Variants in ADGRB3 observed in about 807,000 individuals in gnomAD.
ADGRB3 encodes adhesion G protein-coupled receptor B3.
ADGRB3 carries 37 observed loss-of-function variants against 193.4 expected under a neutral mutation model. The observed-to-expected ratio is 0.19, with a 90% CI of 0.15 to 0.25. ADGRB3 has a LOEUF of 0.25. Ranked by LOEUF, ADGRB3 falls within the 10% of genes least tolerant of loss-of-function variation. The probability of loss-of-function intolerance (pLI) is 1.00; values close to 1 mark genes in which losing one functional copy is unlikely to be tolerated. For missense variants in ADGRB3, 1,637 were observed against 1,852.9 expected (o/e 0.88, Z 2.14); for synonymous variants, 690 against 644.2 (o/e 1.07, Z -1.08).
chr6:69,008,683 G>A (rs1194426700), intron 11 of ADGRB3, among the ~76,000 whole-genome samples: 2 of 152,096 alleles, frequency 1.3e-5, no homozygotes, highest in Non-Finnish European at 2.9e-5. Context: ...TTTGAAGTTC[G>A]TGGGTTTATG....
At chr6:69,117,278 A>G (rs550324226) in intron 17 of ADGRB3, among the ~76,000 whole-genome samples, 93 of 152,296 alleles carry the variant, frequency 6.1e-4, no homozygotes, top group Non-Finnish European at 1.1e-3. Flanking sequence ...TTGTCAATAG[A>G]AGTTCTACAA....
chr6:68,869,772 G>C (rs912236681), intron 3 of ADGRB3, among the ~76,000 whole-genome samples: 3 of 133,046 alleles, frequency 2.3e-5, no homozygotes, highest in Non-Finnish European at 4.8e-5. Context: ...TTGCAGGGGA[G>C]GGGGGCGGGT....
At chr6:69,333,486 A>T (rs905493041) in intron 24 of ADGRB3, among the ~76,000 whole-genome samples, 1 of 152,082 alleles carries the variant, frequency 6.6e-6, no homozygotes, top group Admixed American at 6.5e-5. Flanking sequence ...ATTACTTATC[A>T]AGCACTATTT....
At chr6:68,644,225 C>T (rs765955379) in intron 3 of ADGRB3, among the ~76,000 whole-genome samples, 12 of 151,842 alleles carry the variant, frequency 7.9e-5, no homozygotes, top group Non-Finnish European at 1.3e-4. Context: ...GGGAAGATTG[C>T]TATTATTTTT....
At chr6:69,054,062 T>C (rs1445271197) in intron 15 of ADGRB3, among the ~76,000 whole-genome samples, 2 of 152,196 alleles carry the variant, frequency 1.3e-5, no homozygotes, top group East Asian at 1.9e-4. Context: ...ATGCATCTTA[T>C]GTAATGATTA....
At chr6:68,976,481 C>T (rs930349333) in intron 10 of ADGRB3, among the ~76,000 whole-genome samples, 1 of 151,932 alleles carries the variant, frequency 6.6e-6, no homozygotes. Flanking sequence ...CCAGGGCAGT[C>T]GAAAATCCAT....
At chr6:68,862,291 A>T (rs1381141900) in intron 3 of ADGRB3, among the ~76,000 whole-genome samples, 2 of 152,214 alleles carry the variant, frequency 1.3e-5, no homozygotes, top group Non-Finnish European at 2.9e-5. Context: ...AATTTTTGTT[A>T]TTGTTTCTTC....
chr6:68,727,952 T>G (rs1453950180), intron 3 of ADGRB3, among the ~76,000 whole-genome samples: 1 of 151,598 alleles, frequency 6.6e-6, no homozygotes, highest in Admixed American at 6.6e-5. Context: ...TAATAGTTTC[T>G]GAAAATAAAA....
intron 6 of ADGRB3, among the ~76,000 whole-genome samples, chr6:68,948,917 C>T (rs374186192): frequency 9.2e-5 from 14 of 152,026 alleles, no homozygotes; most frequent in African/African-American, 2.9e-4. Context: ...GATTAAAGTT[C>T]AGTCACAATC....
At chr6:68,829,028 A>G (rs774365637) in intron 3 of ADGRB3, among the ~76,000 whole-genome samples, 7 of 151,578 alleles carry the variant, frequency 4.6e-5, no homozygotes, top group Non-Finnish European at 1.5e-5. Flanking sequence ...CTAATGATTC[A>G]AGTATCCCAT....
intron 3 of ADGRB3, among the ~76,000 whole-genome samples, chr6:68,666,494 C>G (rs1348026605): frequency 6.6e-6 from 1 of 151,684 alleles, no homozygotes; most frequent in Non-Finnish European, 1.5e-5. Context: ...TGTCCTAGTC[C>G]CCTCAGAAGA....
intron 17 of ADGRB3, among the ~76,000 whole-genome samples, chr6:69,113,503 A>G (rs1773435740): frequency 6.6e-6 from 1 of 152,172 alleles, no homozygotes; most frequent in East Asian, 1.9e-4. Context: ...TAGTAACCAC[A>G]GTAGACGGTA....
intron 20 of ADGRB3, among the ~76,000 whole-genome samples, chr6:69,244,890 G>A (rs1766462512): frequency 6.6e-6 from 1 of 152,024 alleles, no homozygotes; most frequent in Non-Finnish European, 1.5e-5. Flanking sequence ...AACAGTAGCT[G>A]TAATTATGGC....
At chr6:68,665,088 T>G (rs1334886588) in intron 3 of ADGRB3, among the ~76,000 whole-genome samples, 7 of 151,704 alleles carry the variant, frequency 4.6e-5, no homozygotes, top group Non-Finnish European at 1.0e-4. Context: ...CCAAGATACT[T>G]TAGGGAATGC....
intron 17 of ADGRB3, among the ~76,000 whole-genome samples, chr6:69,222,964 T>C (rs1391160208): frequency 3.3e-5 from 5 of 152,158 alleles, no homozygotes; most frequent in Non-Finnish European, 5.9e-5. Context: ...TTTAATTGAA[T>C]GCAGTTTTTC....
intron 3 of ADGRB3, among the ~76,000 whole-genome samples, chr6:68,703,449 AT>A (rs1382059795): frequency 6.6e-6 from 1 of 152,114 alleles, no homozygotes; most frequent in Non-Finnish European, 1.5e-5. Context: ...AACTATATAT[AT>A]GTTTCTATAA....
At chr6:68,853,353 G>T (rs1768443785) in intron 3 of ADGRB3, among the ~76,000 whole-genome samples, 1 of 151,974 alleles carries the variant, frequency 6.6e-6, no homozygotes, top group African/African-American at 2.4e-5. Flanking sequence ...TTTAAAGCTT[G>T]ATACTTAATA....
At chr6:69,019,129 T>C (rs1215327472) in intron 13 of ADGRB3, among the ~76,000 whole-genome samples, 1 of 151,988 alleles carries the variant, frequency 6.6e-6, no homozygotes, top group Non-Finnish European at 1.5e-5. Flanking sequence ...CTCTTTGTGG[T>C]TAAAAATTAA....
chr6:68,901,486 A>T (rs925709855), intron 3 of ADGRB3, among the ~76,000 whole-genome samples: 1 of 152,204 alleles, frequency 6.6e-6, no homozygotes, highest in Admixed American at 6.5e-5. Flanking sequence ...CTAAACCCAG[A>T]TGCTAAATCC....
Sources: gnomAD v4.1 joint callset for allele counts (sites outside exome capture counted in the v4.1 genomes callset) on GRCh38, gnomAD v4.1.1 for gene constraint, MANE v1.5 for transcripts, NCBI Gene and HGNC (gene_info 2026-07-23, HGNC 2026-07-21) for gene names.